The following PTER variants were observed in gnomAD, a reference collection of about 807,000 sequenced individuals.
PTER encodes N-acetyltaurine hydrolase.
PTER carries 38 observed loss-of-function variants against 29.6 expected under a neutral mutation model. That is an observed-to-expected ratio of 1.28 (90% CI 0.99 to 1.68). The LOEUF is 1.68. PTER is among the 40% of genes most tolerant of loss of function. The pLI is 0.00. For synonymous variants in PTER, 172 were observed against 154.5 expected (o/e 1.11, Z -0.84); for missense variants, 482 against 427.8 (o/e 1.13, Z -1.12).
downstream of PTER, among the ~76,000 whole-genome samples, chr10:16,517,240 A>G (rs1330523291): frequency 1.3e-5 from 2 of 152,186 alleles, no homozygotes; most frequent in Admixed American, 6.5e-5. Context: ...AACTATTTAG[A>G]TTCTGCTTTA....
chr10:16,461,212 A>G (rs535652354), intron 1 of PTER, among the ~76,000 whole-genome samples: 3 of 152,262 alleles, frequency 2.0e-5, no homozygotes, highest in East Asian at 1.9e-4. Flanking sequence ...CAATTAAGCT[A>G]TGGTACTAGA....
At chr10:16,452,674 A>T (rs940144790) in intron 1 of PTER, among the ~76,000 whole-genome samples, 1 of 149,928 alleles carries the variant, frequency 6.7e-6, no homozygotes, top group African/African-American at 2.5e-5. Context: ...GCTGCTGATG[A>T]TGATTCTCCT....
chr10:16,496,658 A>G (rs1187980106), intron 3 of PTER, among the ~76,000 whole-genome samples: 1 of 152,190 alleles, frequency 6.6e-6, no homozygotes, highest in Non-Finnish European at 1.5e-5. Context: ...CACTTGGTAA[A>G]TTCTGTATAG....
intron 1 of PTER, among the ~76,000 whole-genome samples, chr10:16,450,481 G>C (rs1006684166): frequency 9.2e-5 from 14 of 152,196 alleles, no homozygotes; most frequent in African/African-American, 3.1e-4. Context: ...AGTTTCATCT[G>C]GGTCATCCCA....
At chr10:16,458,925 C>T (rs1239141748) in intron 1 of PTER, among the ~76,000 whole-genome samples, 1 of 152,096 alleles carries the variant, frequency 6.6e-6, no homozygotes, top group East Asian at 1.9e-4. Context: ...GAGACTAAAG[C>T]ACAATTTTTT....
intron 3 of PTER, 21 bp from the exon 4 acceptor site, chr10:16,504,999 C>G: frequency 6.2e-7 from 1 of 1,612,346 alleles, no homozygotes; most frequent in Non-Finnish European, 8.5e-7. Context: ...AATAACAGTT[C>G]ATCTGTCGCA....
intron 1 of PTER, among the ~76,000 whole-genome samples, chr10:16,438,861 C>T (rs1182983279): frequency 6.9e-6 from 1 of 144,890 alleles, no homozygotes; most frequent in Non-Finnish European, 1.5e-5. Context: ...GCAGAGGCGG[C>T]TGTGAGCTGA....
intron 3 of PTER, among the ~76,000 whole-genome samples, chr10:16,501,456 C>T (rs761856028): frequency 3.3e-5 from 5 of 151,778 alleles, no homozygotes; most frequent in Non-Finnish European, 7.4e-5. Context: ...TCATGTCATT[C>T]AAATTGTCTA....
At chr10:16,481,424 G>A (rs1267912935) in intron 1 of PTER, among the ~76,000 whole-genome samples, 2 of 152,194 alleles carry the variant, frequency 1.3e-5, no homozygotes, top group South Asian at 4.1e-4. Flanking sequence ...GCTGAATGCA[G>A]AGGGAAAAGG....
At position 16,484,411 on chromosome 10, in the gene PTER, A is replaced by G. The variant is rs1035640003; in HGVS notation, c.27A>G (p.Gln9=). The G allele has an allele frequency of 1.0e-5, 16 of 1,597,312 alleles. No homozygotes were observed. The highest frequency in any genetic ancestry group is 2.2e-5 in the East Asian group (1 of 44,822). The change falls in exon 2 of 5, where the codon CAA becomes CAG. Residue 9 remains glutamine (Q), a synonymous_variant. Coordinates refer to ENST00000535784, the MANE Select transcript of PTER (RefSeq NM_001261836.2). MSSLSGKV[Q]TVLGLVEPSK... is the part of the protein sequence containing the mutation. Reference sequence around the variant, plus strand: ...TGTCTTCCTTAAGTGGAAAAGTCCAAACCGTTTTGGGCCTTGTAGAGCCAA... The same window carrying G: ...TGTCTTCCTTAAGTGGAAAAGTCCAGACCGTTTTGGGCCTTGTAGAGCCAA...
At chr10:16,464,606 T>C (rs1233384552) in intron 1 of PTER, among the ~76,000 whole-genome samples, 1 of 152,196 alleles carries the variant, frequency 6.6e-6, no homozygotes, top group East Asian at 1.9e-4. Context: ...TTTTTCACTG[T>C]AAGCTAATGT....
chr10:16,517,983 C>T (rs1479408456), downstream of PTER, among the ~76,000 whole-genome samples: 1 of 152,158 alleles, frequency 6.6e-6, no homozygotes, highest in Non-Finnish European at 1.5e-5. Context: ...ATTTCTCTCT[C>T]TTAGAGGGAA....
chr10:16,451,272 G>T (rs1834199802), intron 1 of PTER, among the ~76,000 whole-genome samples: 1 of 152,156 alleles, frequency 6.6e-6, no homozygotes, highest in Non-Finnish European at 1.5e-5. Flanking sequence ...CCAGAATGAA[G>T]GTGGGTCTGC....
chr10:16,511,328 T>A lies in PTER; in HGVS notation c.*72T>A. ...ACATTCAGCGATTTCCAGTCCACTG[T>A]GAGATATTAATCAGTTACCTAGGAC... On this transcript the variant is annotated 3_prime_UTR_variant, in exon 5 of 5. Coordinates refer to ENST00000535784, the MANE Select transcript of PTER (RefSeq NM_001261836.2). 7.4e-7 allele frequency: 1 copy of A among 1,348,486 alleles called. No individual in the cohort carries two copies. The highest frequency in any genetic ancestry group is 1.1e-6 in the Non-Finnish European group (1 of 946,966). The allele number at this position is 1,348,486 out of a possible 1,614,324, so 83.5% of individuals were successfully genotyped here.
chr10:16,510,947 T>C (rs911516504), intron 4 of PTER, 99 bp from the exon 5 acceptor site: 3 of 979,938 alleles, frequency 3.1e-6, no homozygotes, highest in Non-Finnish European at 4.7e-6. Context: ...TCAGTATCTT[T>C]ACGACAAGCA....
intron 3 of PTER, among the ~76,000 whole-genome samples, chr10:16,498,487 G>A (rs1564407147): frequency 6.6e-6 from 1 of 152,190 alleles, no homozygotes; most frequent in Non-Finnish European, 1.5e-5. Context: ...GGAGGCTGAG[G>A]CAGGAGAATC....
intron 1 of PTER, among the ~76,000 whole-genome samples, chr10:16,475,575 A>G (rs555066774): frequency 2.0e-5 from 3 of 152,316 alleles, no homozygotes; most frequent in African/African-American, 7.2e-5. Context: ...TGTTGGTTAA[A>G]GTGATTCACC....
At chr10:16,494,716 T>C (rs1274428735) in intron 3 of PTER, among the ~76,000 whole-genome samples, 1 of 152,202 alleles carries the variant, frequency 6.6e-6, no homozygotes, top group Non-Finnish European at 1.5e-5. Context: ...TTTTTAATCA[T>C]AGGCAATATT....
rs574018287 is a variant in PTER, at chr10:16,508,481, C to T, written c.840-2565C>T. On this transcript the variant is annotated intron_variant, in intron 4 of 4. Coordinates refer to ENST00000535784, the MANE Select transcript of PTER (RefSeq NM_001261836.2). ...GTGCATCTTTTGCACACCTGTGTCT[C>T]GCATGAGGCTCCCAGACCTTCTAGA... 2.1e-3 allele frequency among the ~76,000 whole-genome samples: 319 copies of T among 152,174 alleles called. 6 individuals are homozygous for T. Among genetic ancestry groups the T allele is most frequent in the Non-Finnish European group, 4.6e-4 (31 of 68,000 alleles).
Sources: allele counts gnomAD v4.1 joint callset (sites outside exome capture counted in the v4.1 genomes callset), GRCh38; gene constraint gnomAD v4.1.1; transcripts MANE v1.5; gene names NCBI Gene and HGNC (gene_info 2026-07-23, HGNC 2026-07-21).